The following ERBB4 variants were observed in gnomAD, a reference collection of about 807,000 sequenced individuals.
ERBB4 encodes receptor tyrosine-protein kinase erbB-4.
ERBB4 carries 42 observed loss-of-function variants against 158.0 expected under a neutral mutation model. The ratio of observed to expected loss-of-function variants is 0.27; its 90% CI spans 0.21 to 0.34. The LOEUF is 0.34. Ranked by LOEUF, ERBB4 falls within the 10% of genes least tolerant of loss-of-function variation. ERBB4 has a pLI of 1.00. For missense variants in ERBB4, 1,333 were observed against 1,624.1 expected (o/e 0.82, Z 3.08); for synonymous variants, 583 against 558.7 (o/e 1.04, Z -0.61).
At chr2:212,070,131 A>G (rs2078069632) in intron 2 of ERBB4, among the ~76,000 whole-genome samples, 2 of 152,014 alleles carry the variant, frequency 1.3e-5, no homozygotes, top group Non-Finnish European at 2.9e-5. Context: ...TAAAGAAAAA[A>G]TGAAAATAAT....
At chr2:211,987,533 T>C (rs535955730) in intron 2 of ERBB4, among the ~76,000 whole-genome samples, 1 of 151,878 alleles carries the variant, frequency 6.6e-6, no homozygotes, top group South Asian at 2.1e-4. Flanking sequence ...AGAAATTTAA[T>C]GAAGGAAGGG....
At chr2:211,463,408 T>A (rs1056150706) in intron 20 of ERBB4, among the ~76,000 whole-genome samples, 2 of 152,160 alleles carry the variant, frequency 1.3e-5, no homozygotes. Flanking sequence ...TGGGTTCCTA[T>A]GGGGAATTTT....
chr2:211,840,858 C>A (rs1275184324), intron 3 of ERBB4, among the ~76,000 whole-genome samples: 1 of 151,998 alleles, frequency 6.6e-6, no homozygotes. Context: ...AGTATTTGTT[C>A]TCAACAATGG....
chr2:212,264,328 C>T lies in ERBB4; in HGVS notation c.83-139425G>A, dbSNP rs2085052180. Among the ~76,000 whole-genome samples the T allele has an allele frequency of 3.3e-5, 5 of 152,200 alleles. No homozygotes were observed. The South Asian group carries it at 1.0e-3, about 32-fold the overall frequency. Reference sequence around the variant, plus strand: ...GTGCTGGTGGAAGGCCAAGGAAAAGCTCTTCATTAACATATACTCAGTAAT... The same window carrying T: ...GTGCTGGTGGAAGGCCAAGGAAAAGTTCTTCATTAACATATACTCAGTAAT... On this transcript the variant is annotated intron_variant, in intron 1 of 27. Transcript: ENST00000342788.
At chr2:212,066,794 A>G (rs569486628) in intron 2 of ERBB4, among the ~76,000 whole-genome samples, 1 of 151,940 alleles carries the variant, frequency 6.6e-6, no homozygotes, top group Non-Finnish European at 1.5e-5. Flanking sequence ...CTAAAGTATT[A>G]TGACTTTAAG....
chr2:212,349,181 G>C (rs1212584527), intron 1 of ERBB4, among the ~76,000 whole-genome samples: 1 of 152,022 alleles, frequency 6.6e-6, no homozygotes, highest in Non-Finnish European at 1.5e-5. Context: ...AGTTGTAATT[G>C]TTCACCAGGT....
At chr2:211,988,764 A>C (rs2081998648) in intron 2 of ERBB4, among the ~76,000 whole-genome samples, 1 of 152,010 alleles carries the variant, frequency 6.6e-6, no homozygotes, top group Non-Finnish European at 1.5e-5. Flanking sequence ...TTCTCTTTAA[A>C]TGTAACTATT....
chr2:212,183,484 TG>T (rs1396695764), intron 1 of ERBB4, among the ~76,000 whole-genome samples: 1 of 152,014 alleles, frequency 6.6e-6, no homozygotes, highest in Non-Finnish European at 1.5e-5. Flanking sequence ...TAAAAATCAA[TG>T]ATGAGATATC....
intron 3 of ERBB4, among the ~76,000 whole-genome samples, chr2:211,849,878 T>C (rs2077677227): frequency 6.6e-6 from 1 of 151,976 alleles, no homozygotes; most frequent in African/African-American, 2.4e-5. Context: ...AATAGCATGT[T>C]TGGTTTTAAT....
chr2:211,555,867 C>A (rs1309678341), intron 20 of ERBB4, among the ~76,000 whole-genome samples: 3 of 152,214 alleles, frequency 2.0e-5, no homozygotes, highest in African/African-American at 7.2e-5. Context: ...CACAGAAACA[C>A]ACTGAAGTAC....
intron 25 of ERBB4, among the ~76,000 whole-genome samples, chr2:211,399,411 TCA>T (rs1246315958): frequency 1.3e-5 from 2 of 152,202 alleles, no homozygotes; most frequent in Non-Finnish European, 2.9e-5. Context: ...ATGAAAAATC[TCA>T]GTGACTCCAT....
At chr2:212,108,598 A>G (rs1202710554) in intron 2 of ERBB4, among the ~76,000 whole-genome samples, 1 of 152,192 alleles carries the variant, frequency 6.6e-6, no homozygotes. Flanking sequence ...TAAACTTATA[A>G]AGGAAAATCA....
At chr2:211,901,821 T>G (rs1225131602) in intron 3 of ERBB4, among the ~76,000 whole-genome samples, 1 of 152,102 alleles carries the variant, frequency 6.6e-6, no homozygotes, top group East Asian at 1.9e-4. Flanking sequence ...GCTGCACCCA[T>G]GAGCATTATT....
chr2:211,423,858 C>A (rs1436167297), intron 23 of ERBB4, among the ~76,000 whole-genome samples: 1 of 151,770 alleles, frequency 6.6e-6, no homozygotes. Context: ...TACTAACATT[C>A]ATGTTAGTAA....
chr2:212,150,831 T>G (rs1321336623), intron 1 of ERBB4, among the ~76,000 whole-genome samples: 1 of 152,198 alleles, frequency 6.6e-6, no homozygotes, highest in African/African-American at 2.4e-5. Context: ...TGAGATAACC[T>G]TCAATGTAAG....
chr2:211,571,829 C>T (rs186971834), intron 19 of ERBB4, among the ~76,000 whole-genome samples: 10 of 152,198 alleles, frequency 6.6e-5, no homozygotes, highest in Non-Finnish European at 7.4e-5. Context: ...GGAATCAACC[C>T]GTATTTCAAT....
At chr2:212,183,012 A>G (rs2081918837) in intron 1 of ERBB4, among the ~76,000 whole-genome samples, 1 of 151,812 alleles carries the variant, frequency 6.6e-6, no homozygotes, top group African/African-American at 2.4e-5. Context: ...AATAATATAG[A>G]TAAAACCCAA....
At chr2:211,536,732 A>C (rs986406814) in intron 20 of ERBB4, among the ~76,000 whole-genome samples, 1 of 152,044 alleles carries the variant, frequency 6.6e-6, no homozygotes, top group Non-Finnish European at 1.5e-5. Flanking sequence ...AAACAACTAA[A>C]TAGCTGAGGA....
At chr2:211,598,291 T>A (rs1392751624) in intron 19 of ERBB4, among the ~76,000 whole-genome samples, 1 of 150,830 alleles carries the variant, frequency 6.6e-6, no homozygotes, top group African/African-American at 2.4e-5. Context: ...CTAGAGGGCA[T>A]GTGAAGCTTG....
Sources: gnomAD v4.1 joint callset for allele counts (sites outside exome capture counted in the v4.1 genomes callset) on GRCh38, gnomAD v4.1.1 for gene constraint, MANE v1.5 for transcripts, NCBI Gene and HGNC (gene_info 2026-07-23, HGNC 2026-07-21) for gene names.